GLDC: variants seen among roughly 807,000 people sequenced by gnomAD.
The protein encoded by GLDC is glycine dehydrogenase (decarboxylating), mitochondrial.
GLDC carries 104 observed loss-of-function variants against 121.3 expected under a neutral mutation model. The ratio of observed to expected loss-of-function variants is 0.86; its 90% CI spans 0.73 to 1.01. The LOEUF is 1.01. GLDC is among the 50% of genes least tolerant of loss of function. The pLI is 0.00. For synonymous variants in GLDC, 546 were observed against 480.6 expected (o/e 1.14, Z -1.78); for missense variants, 1,429 against 1,306.6 (o/e 1.09, Z -1.44).
At chr9:6,637,087 G>T (rs561242836) in intron 2 of GLDC, among the ~76,000 whole-genome samples, 27 of 144,390 alleles carry the variant, frequency 1.9e-4, no homozygotes, top group Middle Eastern at 3.6e-3. Flanking sequence ...GGTTTTGTTT[G>T]TTTTTTTTTT....
chr9:6,538,700 C>T (rs751076428), intron 22 of GLDC, among the ~76,000 whole-genome samples: 11 of 152,160 alleles, frequency 7.2e-5, no homozygotes, highest in Non-Finnish European at 8.8e-5. Flanking sequence ...CTTCAGTTAC[C>T]ACCTCCCTGT....
rs2129896343 is a variant in GLDC, at chr9:6,604,714, T to C, written c.932A>G (p.Asp311Gly). ...TCTCTGGGAGCTGCCCAGGGCGATGTCTACCCCAAATTCTCCAGGTGGCCT... is the reference window on the plus strand; with the variant it reads ...TCTCTGGGAGCTGCCCAGGGCGATGCCTACCCCAAATTCTCCAGGTGGCCT... ...ILRPPGEFGV[D>G]IALGSSQRFG... is the part of the protein sequence containing the mutation. The change falls in exon 7 of 25, where the codon GAC becomes GGC. Residue 311 changes from aspartate (D) to glycine (G), a missense_variant. Transcript: ENST00000321612. The C allele has an allele frequency of 2.5e-6, 4 of 1,614,120 alleles. No homozygotes were observed. The highest frequency in any genetic ancestry group is 3.4e-6 in the Non-Finnish European group (4 of 1,179,964).
chr9:6,633,767 A>G (rs1819439353), intron 2 of GLDC, among the ~76,000 whole-genome samples: 1 of 151,778 alleles, frequency 6.6e-6, no homozygotes, highest in Admixed American at 6.6e-5. Flanking sequence ...CTAAAAATAC[A>G]AAAATGAGCT....
intron 2 of GLDC, among the ~76,000 whole-genome samples, chr9:6,632,516 T>G (rs1339952971): frequency 6.6e-6 from 1 of 152,220 alleles, no homozygotes; most frequent in Admixed American, 6.5e-5. Flanking sequence ...AAAGCAAACT[T>G]GAGTCAAAAT....
At chr9:6,592,791 T>G (rs981933005) in intron 10 of GLDC, 60 bp downstream of exon 10, 3 of 1,494,738 alleles carry the variant, frequency 2.0e-6, no homozygotes, top group Non-Finnish European at 2.8e-6. Flanking sequence ...AGAAAACCTT[T>G]TAATGAGAAA....
chr9:6,567,048 G>T (rs1267852986), intron 15 of GLDC: 1 of 152,108 alleles, frequency 6.6e-6, no homozygotes, highest in Non-Finnish European at 1.5e-5. Flanking sequence ...TCCAAGGACG[G>T]AGAGTTGTGG....
At chr9:6,582,639 C>G (rs536844233) in intron 15 of GLDC, among the ~76,000 whole-genome samples, 7 of 152,154 alleles carry the variant, frequency 4.6e-5, no homozygotes, top group African/African-American at 1.7e-4. Context: ...ACCATCCTGG[C>G]TAACACGGTG....
intron 16 of GLDC, 50 bp from the exon 17 acceptor site, chr9:6,558,734 T>A (rs759198148): frequency 1.9e-6 from 3 of 1,604,994 alleles, no homozygotes; most frequent in Non-Finnish European, 2.6e-6. Context: ...CATCAGACTA[T>A]GAATAATGAC....
At chr9:6,636,328 G>A (rs1819501847) in intron 2 of GLDC, among the ~76,000 whole-genome samples, 1 of 151,862 alleles carries the variant, frequency 6.6e-6, no homozygotes, top group Non-Finnish European at 1.5e-5. Context: ...CACTTTGGGT[G>A]ATAATGATGC....
Position 6,535,887 on chromosome 9 carries a change from T to C in GLDC, c.2838+177A>G, listed in dbSNP as rs115627735. ...AACCACATCATCCTTGAGTAACTGC[T>C]ATGCTGTTCAAGACGATGGAAACTT... On this transcript the variant is annotated intron_variant, in intron 23 of 24. Coordinates refer to ENST00000321612, the MANE Select transcript of GLDC (RefSeq NM_000170.3). 3,156 of 653,804 alleles carry C rather than the reference T, an allele frequency of 4.8e-3. 83 individuals carry two copies. In the African/African-American group the frequency reaches 0.051, roughly 11 times the overall value. 40.5% of individuals were successfully genotyped at this position (653,804 alleles called of 1,614,324 possible). A position where few individuals can be genotyped will look rare whatever the true frequency, so the allele number is the denominator to read the frequency against.
intron 21 of GLDC, chr9:6,540,393 C>G: frequency 2.1e-6 from 1 of 479,760 alleles, no homozygotes; most frequent in South Asian, 2.1e-5. Context: ...ACCTGTGAAC[C>G]TGATTATGGC....
At chr9:6,641,125 G>A (rs1819621866) in intron 2 of GLDC, among the ~76,000 whole-genome samples, 1 of 152,188 alleles carries the variant, frequency 6.6e-6, no homozygotes, top group Admixed American at 6.5e-5. Flanking sequence ...CCAAGAAGAG[G>A]GGGAGCATCC....
chr9:6,626,833 G>A (rs974408791), intron 2 of GLDC, among the ~76,000 whole-genome samples: 1 of 152,144 alleles, frequency 6.6e-6, no homozygotes, highest in African/African-American at 2.4e-5. Flanking sequence ...CACTGGTCAT[G>A]CCCTGCCCCA....
intron 2 of GLDC, among the ~76,000 whole-genome samples, chr9:6,642,380 A>C (rs1403026169): frequency 6.6e-6 from 1 of 150,826 alleles, no homozygotes; most frequent in South Asian, 2.1e-4. Context: ...AAATACAAAA[A>C]ATTAGCCGGG....
intron 15 of GLDC, among the ~76,000 whole-genome samples, chr9:6,575,405 C>A (rs535663650): frequency 1.3e-5 from 2 of 152,136 alleles, no homozygotes; most frequent in African/African-American, 4.8e-5. Flanking sequence ...GGTGGCCAAA[C>A]GAGCTGCCTC....
At chr9:6,601,246 GCA>G (rs1426150017) in intron 8 of GLDC, among the ~76,000 whole-genome samples, 1 of 152,104 alleles carries the variant, frequency 6.6e-6, no homozygotes, top group Non-Finnish European at 1.5e-5. Context: ...ATCCCCTCAA[GCA>G]CAGTCATCAC....
intron 4 of GLDC, 119 bp downstream of exon 4, chr9:6,610,073 T>A: frequency 1.2e-6 from 1 of 800,736 alleles, no homozygotes; most frequent in Non-Finnish European, 2.0e-6. Context: ...TCAGTTTCTC[T>A]GAAAAGTCAT....
chr9:6,589,084 CT>C (rs1208123690), intron 12 of GLDC, 110 bp downstream of exon 12: 1 of 785,564 alleles, frequency 1.3e-6, no homozygotes, highest in Non-Finnish European at 2.3e-6. Flanking sequence ...GGAGCCACGG[CT>C]GAGCCAGAAT....
chr9:6,540,743 G>A (rs1817239783), intron 21 of GLDC: 1 of 155,626 alleles, frequency 6.4e-6, no homozygotes, highest in Non-Finnish European at 1.4e-5. Flanking sequence ...TATACCGTAA[G>A]TAACAAGGAG....
Sources: allele counts gnomAD v4.1 joint callset (sites outside exome capture counted in the v4.1 genomes callset), GRCh38; gene constraint gnomAD v4.1.1; transcripts MANE v1.5; gene names NCBI Gene and HGNC (gene_info 2026-07-23, HGNC 2026-07-21).